Variants in ALMS1 observed in about 807,000 individuals in gnomAD.
The protein encoded by ALMS1 is ALMS1 centrosome and basal body associated protein.
In ALMS1, 271 loss-of-function variants were observed where a neutral mutation model predicts 352.2. That is an observed-to-expected ratio of 0.77 (90% confidence interval 0.70 to 0.85). ALMS1 has a LOEUF of 0.85. Ranked by LOEUF, ALMS1 falls within the 40% of genes least tolerant of loss-of-function variation. ALMS1 has a pLI of 0.00. For missense variants in ALMS1, 5,445 were observed against 4,870.7 expected, an observed-to-expected ratio of 1.12 and a Z score of -3.51; for synonymous variants, 1,865 against 1,761.2, an observed-to-expected ratio of 1.06 and a Z score of -1.48.
intron 9 of ALMS1, among the ~76,000 whole-genome samples, chr2:73,465,770 A>G (rs1219937914): frequency 1.3e-5 from 2 of 152,058 alleles, no homozygotes; most frequent in Non-Finnish European, 2.9e-5. Flanking sequence ...AGAATCTACA[A>G]TGAACTCAAA....
chr2:73,595,099 A>G (rs976197222), intron 16 of ALMS1, among the ~76,000 whole-genome samples: 8 of 152,178 alleles, frequency 5.3e-5, no homozygotes, highest in African/African-American at 1.9e-4. Flanking sequence ...TGAACTGGTA[A>G]TACAGTACAA....
chr2:73,455,047 T>C, intron 8 of ALMS1, 115 bp from the exon 9 acceptor site: 1 of 1,146,834 alleles, frequency 8.7e-7, no homozygotes. Flanking sequence ...GAAGAAGACA[T>C]ACTAAGCATT....
intron 21 of ALMS1, among the ~76,000 whole-genome samples, chr2:73,605,802 C>A (rs1192543076): frequency 6.6e-6 from 1 of 151,438 alleles, no homozygotes; most frequent in Non-Finnish European, 1.5e-5. Flanking sequence ...AAGATCGCGC[C>A]ACTGCACACC....
chr2:73,408,614 A>C lies in ALMS1; in HGVS notation c.325-8A>C, dbSNP rs200740825. ...ATTACTCTATTTAAGCCTGCTTTTG[A>C]TTTTCAGATTGTTCCATTGACCTGT... On this transcript the variant is annotated splice_region_variant and splice_polypyrimidine_tract_variant and intron_variant, in intron 1 of 22. Transcript: ENST00000613296. The C allele has an allele frequency of 1.9e-6, 3 of 1,612,358 alleles. No individual in the cohort carries two copies. Among genetic ancestry groups the C allele is most frequent in the Non-Finnish European group, 2.5e-6 (3 of 1,178,952 alleles).
At chr2:73,388,310 A>C (rs1670578705) in intron 1 of ALMS1, among the ~76,000 whole-genome samples, 1 of 152,164 alleles carries the variant, frequency 6.6e-6, no homozygotes, top group Admixed American at 6.5e-5. Context: ...GTACATATGC[A>C]CGTAATTAAC....
At chr2:73,522,088 T>TTG (rs1673693059) in intron 11 of ALMS1, among the ~76,000 whole-genome samples, 1 of 152,196 alleles carries the variant, frequency 6.6e-6, no homozygotes, top group Non-Finnish European at 1.5e-5. Flanking sequence ...TGTATTCACT[T>TTG]CTTCCCCTAG....
chr2:73,416,106 G>T (rs988462619), intron 2 of ALMS1, among the ~76,000 whole-genome samples: 3 of 152,160 alleles, frequency 2.0e-5, no homozygotes, highest in African/African-American at 7.2e-5. Context: ...GAGGCTAAGA[G>T]ATGACTCGGG....
chr2:73,452,231 G>A lies in ALMS1; in HGVS notation c.5704G>A (p.Ala1902Thr), dbSNP rs1254278225. Residue 1902 changes from alanine (A) to threonine (T), a missense_variant, in exon 8 of 23, where the codon GCC becomes ACC. Coordinates refer to ENST00000613296, the MANE Select transcript of ALMS1 (RefSeq NM_001378454.1). ...TAGTTCCTACTCAAATAGAGAGAAGGCCAGTATTTTTCATCAGCAGGAGTT... is the reference window on the plus strand; with the variant it reads ...TAGTTCCTACTCAAATAGAGAGAAGACCAGTATTTTTCATCAGCAGGAGTT... ...SSSSYSNREK[A>T]SIFHQQELPD... 5.0e-6 allele frequency: 8 copies of A among 1,613,962 alleles called. No individual in the cohort carries two copies. The highest frequency in any genetic ancestry group is 6.8e-6 in the Non-Finnish European group (8 of 1,179,980).
Position 73,452,931 on chromosome 2 carries a change from C to G in ALMS1, c.6404C>G (p.Pro2135Arg), listed in dbSNP as rs1341709747. 1 of 1,613,716 alleles carries G rather than the reference C, an allele frequency of 6.2e-7. No individual in the cohort carries two copies. Among genetic ancestry groups the G allele is most frequent in the South Asian group, 1.1e-5 (1 of 91,064 alleles). Residue 2135 changes from proline to arginine, a missense_variant, in exon 8 of 23, where the codon CCA becomes CGA. Physicochemically the swap from Pro to Arg is moderately radical, Grantham distance 103. Transcript: ENST00000613296. ...PGPAGQKTVLPTALPSSFSHR... is the reference protein window; with the variant it reads ...PGPAGQKTVLRTALPSSFSHR... The stretch of plus-strand genomic sequence containing the variant: ...CCAGCTGGCCAGAAAACAGTATTAC[C>G]AACAGCTCTTCCTAGTTCCTTTTCA...
intron 21 of ALMS1, among the ~76,000 whole-genome samples, chr2:73,604,865 A>G (rs1675779754): frequency 6.6e-6 from 1 of 152,218 alleles, no homozygotes; most frequent in Non-Finnish European, 1.5e-5. Context: ...CCACTATTCA[A>G]GACAGTGGCA....
intron 11 of ALMS1, among the ~76,000 whole-genome samples, chr2:73,524,318 G>A (rs1249097116): frequency 3.3e-5 from 5 of 152,118 alleles, no homozygotes; most frequent in Non-Finnish European, 5.9e-5. Flanking sequence ...AGATATTTAT[G>A]AGGTACATGA....
chr2:73,536,445 C>G (rs533066594), intron 12 of ALMS1, among the ~76,000 whole-genome samples: 2 of 151,560 alleles, frequency 1.3e-5, no homozygotes, highest in African/African-American at 2.4e-5. Context: ...TGCATCAGTA[C>G]GACAAAAAGA....
chr2:73,413,530 C>G (rs906744320), intron 2 of ALMS1, among the ~76,000 whole-genome samples: 2 of 152,110 alleles, frequency 1.3e-5, no homozygotes, highest in African/African-American at 4.8e-5. Flanking sequence ...CATTCCTGGC[C>G]TCTTCCCACT....
intron 9 of ALMS1, among the ~76,000 whole-genome samples, chr2:73,481,104 T>G (rs1354909009): frequency 6.1e-4 from 92 of 151,944 alleles, no homozygotes; most frequent in Middle Eastern, 6.8e-3. Flanking sequence ...GTCAATTTTG[T>G]CTTTTGTTGC....
chr2:73,599,462 C>G lies in ALMS1; in HGVS notation c.11609C>G (p.Ser3870Ter). ...ISSSASSFLS[S>*]NSTFCNKQNV... is the part of the protein sequence containing the mutation. Reference sequence around the variant, plus strand: ...TCTTCTGCCAGTAGTTTCCTGAGCTCAAACTCTACTTTTTGCAACAAGCAG... The same window carrying G: ...TCTTCTGCCAGTAGTTTCCTGAGCTGAAACTCTACTTTTTGCAACAAGCAG... The change falls in exon 17 of 23, where the codon TCA becomes TGA. Residue 3870 changes from serine to a stop codon, truncating the protein, a stop_gained. Transcript: ENST00000613296. LOFTEE classifies it high-confidence loss of function. The G allele has an allele frequency of 6.2e-7, 1 of 1,613,594 alleles. No homozygotes were observed. The highest frequency in any genetic ancestry group is 8.5e-7 in the Non-Finnish European group (1 of 1,179,706).
chr2:73,484,990 A>G (rs1451136383), intron 9 of ALMS1, among the ~76,000 whole-genome samples: 1 of 152,026 alleles, frequency 6.6e-6, no homozygotes, highest in Non-Finnish European at 1.5e-5. Context: ...ATTTTTTTCA[A>G]AGTTTTCAAC....
intron 1 of ALMS1, among the ~76,000 whole-genome samples, chr2:73,399,017 T>G (rs1382557854): frequency 6.6e-6 from 1 of 151,396 alleles, no homozygotes; most frequent in Non-Finnish European, 1.5e-5. Context: ...CTAATTTTTG[T>G]TTTTTTTGTA....
In ALMS1 at chr2:73,419,304, G is replaced by C. The variant is rs770306871; in HGVS notation, c.632G>C (p.Cys211Ser). 4.4e-5 allele frequency: 71 copies of C among 1,613,754 alleles called. No individual in the cohort carries two copies. Among genetic ancestry groups the C allele is most frequent in the Non-Finnish European group, 1.2e-5 (14 of 1,179,820 alleles). The change falls in exon 3 of 23, where the codon TGT becomes TCT. Residue 211 changes from cysteine to serine, a missense_variant. By Grantham distance (112) the Cys-to-Ser change is moderately radical. Transcript: ENST00000613296. ...QVKEPNRDLF[C>S]SPLLVIQDSF... is the part of the protein sequence containing the mutation. ...AAGGAACCCAACAGAGATCTCTTCT[G>C]TTCTCCACTGCTAGGTAATGCCTGT...
rs543921060 is a variant in ALMS1 at position 73,489,699 on chromosome 2, G to C, written c.7740G>C (p.Glu2580Asp). Residue 2580 changes from glutamate to aspartate, a missense_variant, in exon 10 of 23, where the codon GAG becomes GAC. Physicochemically the swap from Glu to Asp is conservative, Grantham distance 45. Coordinates refer to ENST00000613296, the MANE Select transcript of ALMS1 (RefSeq NM_001378454.1). ...PEAVCSHIII[E>D]SHEKGCFRTL... Reference sequence around the variant, plus strand: ...CTGTATGTAGTCACATTATTATTGAGAGCCATGAAAAGGGATGTTTCCGGA... The same window carrying C: ...CTGTATGTAGTCACATTATTATTGACAGCCATGAAAAGGGATGTTTCCGGA... The C allele has an allele frequency of 1.9e-5, 31 of 1,614,076 alleles. 1 individual carries two copies. In the South Asian group the frequency reaches 3.2e-4, roughly 17 times the overall value.
Sources: allele counts gnomAD v4.1 joint callset (sites outside exome capture counted in the v4.1 genomes callset), GRCh38; gene constraint gnomAD v4.1.1; transcripts MANE v1.5; gene names NCBI Gene and HGNC (gene_info 2026-07-23, HGNC 2026-07-21).